The following ZNF652 variants were observed in gnomAD, a reference collection of about 807,000 sequenced individuals.
ZNF652 encodes the protein zinc finger protein 652.
In ZNF652, 16 loss-of-function variants were observed where a neutral mutation model predicts 45.2. The observed-to-expected ratio is 0.35, with a 90% CI of 0.24 to 0.54. The LOEUF (loss-of-function observed/expected upper bound fraction) is 0.54, where lower values mean the gene tolerates loss of function less well. Among genes scored for constraint, ZNF652 ranks in the 20% least tolerant of loss-of-function variants. ZNF652 has a pLI of 0.91. For synonymous variants in ZNF652, 250 were observed against 260.6 expected, an observed-to-expected ratio of 0.96 and a Z score of 0.39; for missense variants, 614 against 765.6, an observed-to-expected ratio of 0.80 and a Z score of 2.34.
intron 1 of ZNF652, among the ~76,000 whole-genome samples, chr17:49,335,334 C>T (rs1413694912): frequency 6.6e-6 from 1 of 152,176 alleles, no homozygotes; most frequent in East Asian, 1.9e-4. Context: ...TTCCATACTG[C>T]TGGGCAGGTT....
rs541667081 is a variant in ZNF652, at chr17:49,317,670, A to G, written c.56T>C (p.Val19Ala). ...GCTATCTTCTTGTGCCATTCCTGCT[A>G]CATGCACAGCACAGTTTTCAACCAG... ...QELVENCAVH[V>A]AGMAQEDSRR... Residue 19 changes from valine (V) to alanine (A), a missense_variant, in exon 2 of 6, where the codon GTA becomes GCA. Physicochemically the swap from Val to Ala is moderately conservative, Grantham distance 64. Coordinates refer to ENST00000430262, the MANE Select transcript of ZNF652 (RefSeq NM_001145365.3). 98 of 1,612,212 alleles carry G rather than the reference A, an allele frequency of 6.1e-5. 2 individuals are homozygous for G. The South Asian group carries it at 1.1e-3, about 17-fold the overall frequency.
Position 49,326,723 on chromosome 17 carries a change from C to T in ZNF652, c.-258-8740G>A, listed in dbSNP as rs2069959901. 2.6e-5 allele frequency among the ~76,000 whole-genome samples: 4 copies of T among 152,154 alleles called. No homozygotes were observed. In the South Asian group the frequency reaches 6.2e-4, roughly 24 times the overall value. ...CATCAACTGCTCTATGTCTCCTATTCATACTCCTTTCAAACAGGAGTACTT... is the reference window on the plus strand; with the variant it reads ...CATCAACTGCTCTATGTCTCCTATTTATACTCCTTTCAAACAGGAGTACTT... On this transcript the variant is annotated intron_variant, in intron 1 of 5. Transcript: ENST00000430262.
Position 49,317,455 on chromosome 17 carries a change from G to A in ZNF652, c.271C>T (p.His91Tyr). The part of the protein sequence containing the change: ...FRETRAVSDV[H>Y]AVKEDRENSD... Reference sequence around the variant, plus strand: ...TTCTCCCGGTCTTCCTTAACAGCATGCACGTCAGACACTGCTCTTGTCTCC... The same window carrying A: ...TTCTCCCGGTCTTCCTTAACAGCATACACGTCAGACACTGCTCTTGTCTCC... Residue 91 changes from histidine (H) to tyrosine (Y), a missense_variant, in exon 2 of 6, where the codon CAT becomes TAT. This residue lies in a region of ZNF652 where 133 missense variants were observed against 132.2 expected (regional missense o/e 1.01). Coordinates refer to ENST00000430262, the MANE Select transcript of ZNF652 (RefSeq NM_001145365.3). The A allele has an allele frequency of 6.2e-7, 1 of 1,614,108 alleles. No homozygotes were observed. The highest frequency in any genetic ancestry group is 8.5e-7 in the Non-Finnish European group (1 of 1,180,028).
chr17:49,344,845 C>T (rs1335735206), intron 1 of ZNF652, among the ~76,000 whole-genome samples: 1 of 152,196 alleles, frequency 6.6e-6, no homozygotes, highest in Non-Finnish European at 1.5e-5. Flanking sequence ...TCTATCACTA[C>T]TTTTGCTAAC....
At chr17:49,348,479 AAAAAGAAAAGAAAAGAAAAG>A (rs55939949) in intron 1 of ZNF652, among the ~76,000 whole-genome samples, 2,898 of 111,886 alleles carry the variant, frequency 0.026, 54 homozygotes, top group Non-Finnish European at 0.031. Context: ...CCTTGCCTCA[AAAAAGAAAAGAAAAGAAAAG>A]AAAAGAAAAG....
intron 1 of ZNF652, chr17:49,322,464 A>G (rs2069905785): frequency 6.6e-6 from 1 of 152,238 alleles, no homozygotes; most frequent in Admixed American, 6.5e-5. Flanking sequence ...TGAAGCTGAG[A>G]GAACAGTCAC....
At chr17:49,348,850 G>GT (rs1209673412) in intron 1 of ZNF652, among the ~76,000 whole-genome samples, 1 of 152,050 alleles carries the variant, frequency 6.6e-6, no homozygotes, top group Non-Finnish European at 1.5e-5. Flanking sequence ...ATCCTAGTGT[G>GT]TTTTTTCTTA....
At chr17:49,346,123 A>G (rs943641963) in intron 1 of ZNF652, among the ~76,000 whole-genome samples, 1 of 152,158 alleles carries the variant, frequency 6.6e-6, no homozygotes, top group African/African-American at 2.4e-5. Context: ...TTAGTTTATA[A>G]ATAGATTGTG....
chr17:49,318,520 G>C (rs544467066), intron 1 of ZNF652, among the ~76,000 whole-genome samples: 6 of 152,262 alleles, frequency 3.9e-5, no homozygotes, highest in African/African-American at 1.4e-4. Flanking sequence ...CATCTGTCCA[G>C]TTCACTGAGA....
At chr17:49,336,942 GTTTTTTTTT>G (rs200178711) in intron 1 of ZNF652, among the ~76,000 whole-genome samples, 571 of 115,150 alleles carry the variant, frequency 5.0e-3, no homozygotes, top group Non-Finnish European at 6.6e-3. Flanking sequence ...TCTTAATGGT[GTTTTTTTTT>G]TTTTTTTTTT....
intron 1 of ZNF652, among the ~76,000 whole-genome samples, chr17:49,336,954 T>TGTTTGTTTG (rs1567694744): frequency 2.4e-5 from 3 of 124,346 alleles, no homozygotes; most frequent in African/African-American, 9.0e-5. Flanking sequence ...TTTTTTTTTT[T>TGTTTGTTTG]TTTTTTTTTT....
rs1348468484 is a variant in ZNF652, at chr17:49,295,959, A to C, written c.*2454T>G. Reference sequence around the variant, plus strand: ...CCTCAAAAAAAAAAAAAAAAAAAAAAAAAAAACAGAACAAAATATAACCAA... The same window carrying C: ...CCTCAAAAAAAAAAAAAAAAAAAAACAAAAAACAGAACAAAATATAACCAA... On this transcript the variant is annotated 3_prime_UTR_variant, in exon 6 of 6. Coordinates refer to ENST00000430262, the MANE Select transcript of ZNF652 (RefSeq NM_001145365.3). 1.3e-5 allele frequency: 2 copies of C among 150,948 alleles called. No individual in the cohort carries two copies. The highest frequency in any genetic ancestry group is 4.9e-5 in the African/African-American group (2 of 41,152). 9.4% of individuals were successfully genotyped at this position (150,948 alleles called of 1,614,324 possible).
At chr17:49,307,512 C>T (rs768925319) in intron 5 of ZNF652, among the ~76,000 whole-genome samples, 69 of 135,694 alleles carry the variant, frequency 5.1e-4, no homozygotes, top group Middle Eastern at 5.1e-3. Flanking sequence ...GAGGTCAAGG[C>T]GGGCAGATCA....
chr17:49,339,310 CTTTTTTTTT>C (rs36110074), intron 1 of ZNF652, among the ~76,000 whole-genome samples: 27 of 110,954 alleles, frequency 2.4e-4, no homozygotes, highest in African/African-American at 9.3e-4. Flanking sequence ...TCAAGTGATT[CTTTTTTTTT>C]TTTTTTTTTT....
In ZNF652 at chr17:49,289,213, G is replaced by A. The variant is rs1045928434; in HGVS notation, c.*9200C>T. The A allele has an allele frequency of 3.0e-5, 4 of 135,008 alleles. No individual in the cohort carries two copies. The highest frequency in any genetic ancestry group is 1.1e-4 in the African/African-American group (4 of 36,700). 8.4% of individuals were successfully genotyped at this position (135,008 alleles called of 1,614,324 possible). ...AGAAAGACACACAGGGGATATGGCT[G>A]CTTTTTTTTTTTTTTTTTACTTTGA... On this transcript the variant is annotated 3_prime_UTR_variant, in exon 6 of 6. Transcript: ENST00000430262.
Position 49,312,029 on chromosome 17 carries a change from G to A in ZNF652, c.1062C>T (p.Asp354=), listed in dbSNP as rs937627012. 1.7e-5 allele frequency: 28 copies of A among 1,613,158 alleles called. 1 individual carries two copies. The highest frequency in any genetic ancestry group is 2.2e-5 in the Non-Finnish European group (26 of 1,179,408). ...VRKHMVAHTK[D]MPFTCETCGK... is the part of the protein sequence containing the mutation. ...CACAGGTTTCGCATGTAAATGGCAT[G>A]TCTTTTGTGTGTGCTGCAACACAGA... The change falls in exon 4 of 6, where the codon GAC becomes GAT. Residue 354 remains aspartate (D), a synonymous_variant. Transcript: ENST00000430262.
Position 49,293,008 on chromosome 17 carries a change from CAG to C in ZNF652, c.*5403_*5404del, listed in dbSNP as rs1286401096. 1.3e-5 allele frequency among the ~76,000 whole-genome samples: 2 copies of C among 152,044 alleles called. No homozygotes were observed. Among genetic ancestry groups the C allele is most frequent in the African/African-American group, 2.4e-5 (1 of 41,410 alleles). ...CTGGCATTTTGAAGGCACTCAAAAACAGAGTGAGAGAGACTGAAGCTGCAGTG... is the reference window on the plus strand; with the variant it reads ...CTGGCATTTTGAAGGCACTCAAAAACAGTGAGAGAGACTGAAGCTGCAGTG... On this transcript the variant is annotated 3_prime_UTR_variant, in exon 6 of 6. Transcript: ENST00000430262.
chr17:49,357,871 C>T (rs2070353921), intron 1 of ZNF652, among the ~76,000 whole-genome samples: 2 of 152,206 alleles, frequency 1.3e-5, no homozygotes, highest in Admixed American at 6.5e-5. Context: ...ATCAAAGTTC[C>T]AATAAGCACA....
intron 1 of ZNF652, among the ~76,000 whole-genome samples, chr17:49,354,521 G>A (rs1327898799): frequency 2.0e-5 from 3 of 149,928 alleles, no homozygotes; most frequent in Admixed American, 6.7e-5. Flanking sequence ...CAAGGCAGGA[G>A]AATCACTTGA....
Sources: allele counts gnomAD v4.1 joint callset (sites outside exome capture counted in the v4.1 genomes callset), GRCh38; gene constraint gnomAD v4.1.1; regional missense constraint gnomAD v4.1.1; transcripts MANE v1.5; gene names NCBI Gene and HGNC (gene_info 2026-07-23, HGNC 2026-07-21).